DENND2D: variants seen among roughly 807,000 people sequenced by gnomAD.
The protein encoded by DENND2D is DENN domain containing 2D, also known as DENN domain-containing protein 2D.
DENND2D carries 37 observed loss-of-function variants against 59.8 expected under a neutral mutation model. That is an observed-to-expected ratio of 0.62 (90% CI 0.48 to 0.81). The LOEUF (loss-of-function observed/expected upper bound fraction) is 0.81. DENND2D is among the 40% of genes least tolerant of loss of function. The pLI, the probability that DENND2D is intolerant of heterozygous loss-of-function variation, is 0.00. For synonymous variants in DENND2D, 219 were observed against 211.3 expected (o/e 1.04, Z -0.31); for missense variants, 525 against 579.7 (o/e 0.91, Z 0.97).
intron 1 of DENND2D, chr1:111,200,125 G>A (rs1210919070): frequency 1.2e-5 from 7 of 579,280 alleles, no homozygotes; most frequent in Middle Eastern, 4.6e-4. Context: ...GCTTCTGGCA[G>A]TCCTGGAACA....
chr1:111,195,730 A>G (rs1658166184), intron 6 of DENND2D, 186 bp downstream of exon 6: 5 of 734,028 alleles, frequency 6.8e-6, no homozygotes, highest in Non-Finnish European at 6.7e-6. Flanking sequence ...GCTTGTGGGT[A>G]TCAAGTTAGA....
intron 9 of DENND2D, 96 bp from the exon 10 acceptor site, chr1:111,188,882 C>T (rs1194458806): frequency 5.9e-6 from 6 of 1,022,518 alleles, no homozygotes; most frequent in Non-Finnish European, 9.2e-6. Context: ...TTCTACACCC[C>T]CACTCCACCC....
intron 4 of DENND2D, 172 bp from the exon 5 acceptor site, chr1:111,197,425 G>A (rs1571193867): frequency 6.9e-7 from 1 of 1,442,758 alleles, no homozygotes; most frequent in Non-Finnish European, 9.1e-7. Flanking sequence ...ATCCTTGAGG[G>A]TACTGGGTGA....
intron 4 of DENND2D, 22 bp from the exon 5 acceptor site, chr1:111,197,275 C>T (rs1437052728): frequency 6.2e-7 from 1 of 1,604,466 alleles, no homozygotes; most frequent in Non-Finnish European, 8.5e-7. Context: ...CAGAGAGGCT[C>T]CTTCAGTGCT....
At position 111,197,241 on chromosome 1, in the gene DENND2D, C is replaced by T; in HGVS notation, c.439G>A (p.Gly147Ser). 6.2e-7 allele frequency: 1 copy of T among 1,613,112 alleles called. No homozygotes were observed. The highest frequency in any genetic ancestry group is 8.5e-7 in the Non-Finnish European group (1 of 1,179,780). The change falls in exon 5 of 12, where the codon GGC becomes AGC. Residue 147 changes from glycine to serine, a missense_variant. By Grantham distance (56) the Gly-to-Ser change is moderately conservative (BLOSUM62 0). Coordinates refer to ENST00000357640, the MANE Select transcript of DENND2D (RefSeq NM_024901.5). Reference sequence around the variant, plus strand: ...CAGTACACTTTGGGAAGGCGAGGGCCAGGGCCGGCAGGCTGGGGAGGGACA... The same window carrying T: ...CAGTACACTTTGGGAAGGCGAGGGCTAGGGCCGGCAGGCTGGGGAGGGACA... ...YCRRLLPAGP[G>S]PRLPKVYCII...
intron 7 of DENND2D, among the ~76,000 whole-genome samples, chr1:111,194,068 C>A (rs1266709094): frequency 6.6e-6 from 1 of 152,224 alleles, no homozygotes; most frequent in Non-Finnish European, 1.5e-5. Flanking sequence ...GGTAGAAGAA[C>A]TGGATTTAAA....
Position 111,200,440 on chromosome 1 carries a change from C to A in DENND2D, c.20G>T (p.Gly7Val). 1 of 1,611,980 alleles carries A rather than the reference C, an allele frequency of 6.2e-7. No homozygotes were observed. The change falls in exon 1 of 12, where the codon GGC (glycine) becomes GTC (valine). Residue 7 changes from glycine (G) to valine (V), a missense_variant. Physicochemically the swap from Gly to Val is moderately radical, Grantham distance 109. This residue lies in a region of DENND2D where 253 missense variants were observed against 246.4 expected (regional missense o/e 1.03). Coordinates refer to ENST00000357640, the MANE Select transcript of DENND2D (RefSeq NM_024901.5). The part of the protein sequence containing the change: MEGQVV[G>V]RVFRLFQRRL... ...GCGTTGGAAGAGCCTGAACACCCGG[C>A]CTACCACTTGTCCTTCCATCTCTGG... is the stretch of plus-strand genomic sequence containing the variant.
intron 5 of DENND2D, 107 bp from the exon 6 acceptor site, chr1:111,196,163 G>T: frequency 7.1e-7 from 1 of 1,399,544 alleles, no homozygotes; most frequent in Non-Finnish European, 9.5e-7. Flanking sequence ...TACTGGTTCA[G>T]CTGATCCTCA....
chr1:111,204,421 G>A (rs544238196), upstream of DENND2D: 10 of 1,322,438 alleles, frequency 7.6e-6, no homozygotes, highest in Middle Eastern at 2.2e-4. Flanking sequence ...CTTGACCTCC[G>A]CGGGTCCGAC....
rs74121063 is a variant in DENND2D at position 111,195,741 on chromosome 1, A to G, written c.645+175T>C. The G allele has an allele frequency of 1.7e-3, 1,376 of 830,296 alleles. 20 individuals carry two copies. In the African/African-American group the frequency reaches 0.021, roughly 13 times the overall value. 51.4% of individuals were successfully genotyped at this position (830,296 alleles called of 1,614,324 possible). On this transcript the variant is annotated intron_variant, in intron 6 of 11. Transcript: ENST00000357640. ...AGGTGCTTGTGGGTATCAAGTTAGA[A>G]GGATCAGAAAATCTGGGTTTGATTT...
At position 111,192,133 on chromosome 1, in the gene DENND2D, A is replaced by G. The variant is rs1204877381; in HGVS notation, c.972+7T>C. 6 of 1,588,556 alleles carry G rather than the reference A, an allele frequency of 3.8e-6. No homozygotes were observed. Among genetic ancestry groups the G allele is most frequent in the Non-Finnish European group, 4.3e-6 (5 of 1,164,540 alleles). On this transcript the variant is annotated splice_region_variant and intron_variant, in intron 8 of 11. Transcript: ENST00000357640. ...CCAAATCATGCACTCTTCTTGCCACATCATACCTCTTCCATAGGGCTGTCC... is the reference window on the plus strand; with the variant it reads ...CCAAATCATGCACTCTTCTTGCCACGTCATACCTCTTCCATAGGGCTGTCC...
Position 111,194,708 on chromosome 1 carries a change from G to C in DENND2D, c.664C>G (p.Pro222Ala). ...ACATGTTCTAGGTGGGAGTCCAGGG[G>C]CCGTGTCAGTGAAATGAACTGTGGG... ...SGTEFISLTR[P>A]LDSHLEHVDF... is the part of the protein sequence containing the mutation. Residue 222 changes from proline (P) to alanine (A), a missense_variant, in exon 7 of 12, where the codon CCC becomes GCC. Pro to Ala is a conservative substitution (Grantham distance 27). Coordinates refer to ENST00000357640, the MANE Select transcript of DENND2D (RefSeq NM_024901.5). The C allele has an allele frequency of 6.2e-7, 1 of 1,614,048 alleles. No homozygotes were observed. Among genetic ancestry groups the C allele is most frequent in the African/African-American group, 1.3e-5 (1 of 75,008 alleles).
intron 7 of DENND2D, among the ~76,000 whole-genome samples, chr1:111,193,828 G>A (rs780642349): frequency 3.4e-4 from 52 of 152,132 alleles, no homozygotes; most frequent in Non-Finnish European, 4.7e-4. Flanking sequence ...CCCCTAAAAG[G>A]TAGAGACCAT....
chr1:111,201,954 C>T (rs1658846970), upstream of DENND2D, among the ~76,000 whole-genome samples: 1 of 152,194 alleles, frequency 6.6e-6, no homozygotes, highest in Admixed American at 6.5e-5. Flanking sequence ...AGCCTTACCA[C>T]CTGTTTGAGG....
upstream of DENND2D, chr1:111,204,405 C>A (rs556036580): frequency 1.1e-5 from 15 of 1,345,240 alleles, no homozygotes; most frequent in South Asian, 5.5e-5. Flanking sequence ...GCCCCGCCCC[C>A]CTATCCTTGA....
Position 111,185,989 on chromosome 1 carries a change from G to A in DENND2D, c.*1616C>T, listed in dbSNP as rs533105085. 1.4e-4 allele frequency among the ~76,000 whole-genome samples: 22 copies of A among 152,304 alleles called. No homozygotes were observed. In the East Asian group the frequency reaches 2.9e-3, roughly 20 times the overall value. ...AGATGTTAAGGGCTAATTGAAATGT[G>A]TTTATTCTCCTAGATTCTTTTTCAG... On this transcript the variant is annotated 3_prime_UTR_variant, in exon 12 of 12. Transcript: ENST00000357640.
chr1:111,195,735 G>A (rs1658167300), intron 6 of DENND2D, 181 bp downstream of exon 6: 1 of 797,818 alleles, frequency 1.3e-6, no homozygotes, highest in Non-Finnish European at 2.0e-6. Context: ...TGGGTATCAA[G>A]TTAGAAGGAT....
At chr1:111,204,325 G>C, upstream of DENND2D, 3 of 1,481,488 alleles carry the variant, frequency 2.0e-6, no homozygotes, top group Non-Finnish European at 2.7e-6. Context: ...TCTCAGGCTG[G>C]CTCGAAGGCG....
At position 111,194,620 on chromosome 1, in the gene DENND2D, G is replaced by T; in HGVS notation, c.752C>A (p.Ala251Asp). ...GAAGATGATTTTTCTCTCCAGCACG[G>T]CAGAGGCAAAGATCTGAAGTATCTG... is the stretch of plus-strand genomic sequence containing the variant. Reference protein sequence around the residue: ...FEQILQIFASAVLERKIIFLA... With the variant: ...FEQILQIFASDVLERKIIFLA... Residue 251 changes from alanine to aspartate, a missense_variant, in exon 7 of 12, where the codon GCC (alanine) becomes GAC (aspartate). Coordinates refer to ENST00000357640, the MANE Select transcript of DENND2D (RefSeq NM_024901.5). The T allele has an allele frequency of 6.2e-7, 1 of 1,614,084 alleles. No homozygotes were observed. Among genetic ancestry groups the T allele is most frequent in the Non-Finnish European group, 8.5e-7 (1 of 1,180,010 alleles).
Sources: allele counts gnomAD v4.1 joint callset (sites outside exome capture counted in the v4.1 genomes callset), GRCh38; gene constraint gnomAD v4.1.1; regional missense constraint gnomAD v4.1.1; transcripts MANE v1.5; gene names NCBI Gene and HGNC (gene_info 2026-07-23, HGNC 2026-07-21).